PCDH15: variants seen among roughly 807,000 people sequenced by gnomAD.
PCDH15 encodes protocadherin related 15, also known as protocadherin-15.
A neutral mutation model predicts 178.5 loss-of-function variants in PCDH15; 129 were observed. That is an observed-to-expected ratio of 0.72 (90% CI 0.63 to 0.84). The LOEUF (loss-of-function observed/expected upper bound fraction) is 0.84. PCDH15 is among the 40% of genes least tolerant of loss of function. PCDH15 has a pLI of 0.00. For synonymous variants in PCDH15, 800 were observed against 732.0 expected (o/e 1.09, Z -1.50); for missense variants, 2,230 against 2,099.9 (o/e 1.06, Z -1.21).
At chr10:55,341,806 T>TATATATA (rs1490048549) in intron 2 of PCDH15, among the ~76,000 whole-genome samples, 1 of 6,998 alleles carries the variant, frequency 1.4e-4, no homozygotes, top group Non-Finnish European at 2.8e-4. Context: ...TATATATATA[T>TATATATA]TTTTTTTTTT....
intron 2 of PCDH15, chr10:55,599,976 T>C (rs928089221): frequency 6.7e-7 from 1 of 1,482,936 alleles, no homozygotes. Context: ...CGGGTATAAA[T>C]AAATAGGAGA....
chr10:55,438,842 G>A (rs984464372), intron 2 of PCDH15, among the ~76,000 whole-genome samples: 19 of 151,340 alleles, frequency 1.3e-4, no homozygotes, highest in South Asian at 6.3e-4. Context: ...GTAATTCAAG[G>A]TTTCAGAACT....
At chr10:55,494,036 A>G (rs1221649956) in intron 2 of PCDH15, among the ~76,000 whole-genome samples, 1 of 151,870 alleles carries the variant, frequency 6.6e-6, no homozygotes, top group Non-Finnish European at 1.5e-5. Flanking sequence ...GGTCTAACAC[A>G]TAGTCTGTTC....
At chr10:54,977,293 C>T (rs1278193196) in intron 2 of PCDH15, among the ~76,000 whole-genome samples, 5 of 152,074 alleles carry the variant, frequency 3.3e-5, no homozygotes, top group African/African-American at 1.2e-4. Context: ...TCATAAGACA[C>T]AGGTCATAAG....
intron 1 of PCDH15, among the ~76,000 whole-genome samples, chr10:54,666,347 G>C (rs1424366935): frequency 6.6e-6 from 1 of 152,010 alleles, no homozygotes; most frequent in Admixed American, 6.6e-5. Flanking sequence ...AAACTGGTGA[G>C]TGTCTGAAGA....
At chr10:54,223,940 C>G (rs191790269) in intron 9 of PCDH15, among the ~76,000 whole-genome samples, 2 of 152,208 alleles carry the variant, frequency 1.3e-5, no homozygotes, top group Admixed American at 1.3e-4. Context: ...ATTTTTTACC[C>G]AAAGAGGCCC....
At chr10:55,168,530 A>G (rs1839253156) in intron 1 of PCDH15, among the ~76,000 whole-genome samples, 1 of 152,184 alleles carries the variant, frequency 6.6e-6, no homozygotes, top group Non-Finnish European at 1.5e-5. Flanking sequence ...GGGGTTCTGT[A>G]CATTTGTGAA....
intron 1 of PCDH15, among the ~76,000 whole-genome samples, chr10:54,717,468 C>T (rs1426805058): frequency 6.9e-6 from 1 of 145,960 alleles, no homozygotes; most frequent in African/African-American, 2.6e-5. Context: ...ACAGACACTT[C>T]CCAAAAGAAG....
chr10:55,598,931 G>A (rs1452920955), intron 2 of PCDH15, among the ~76,000 whole-genome samples: 11 of 151,914 alleles, frequency 7.2e-5, no homozygotes, highest in Admixed American at 5.2e-4. Flanking sequence ...CAACCTGATC[G>A]CTTTGAGCCA....
At chr10:54,399,328 C>T (rs1951645871) in intron 3 of PCDH15, among the ~76,000 whole-genome samples, 1 of 151,610 alleles carries the variant, frequency 6.6e-6, no homozygotes, top group Admixed American at 6.6e-5. Context: ...AGATGGGAGG[C>T]TCAGGTAGCT....
At chr10:54,742,990 A>C (rs1016957658) in intron 1 of PCDH15, among the ~76,000 whole-genome samples, 1 of 152,002 alleles carries the variant, frequency 6.6e-6, no homozygotes, top group Non-Finnish European at 1.5e-5. Flanking sequence ...TCTTTATCTA[A>C]CCGTTTGAAA....
At chr10:54,972,627 A>T (rs1335326509) in intron 2 of PCDH15, among the ~76,000 whole-genome samples, 1 of 152,026 alleles carries the variant, frequency 6.6e-6, no homozygotes, top group African/African-American at 2.4e-5. Flanking sequence ...AGGCAGGCAT[A>T]TCACGAGGTC....
intron 2 of PCDH15, among the ~76,000 whole-genome samples, chr10:55,005,237 C>T (rs1839899861): frequency 2.5e-5 from 1 of 40,032 alleles, no homozygotes; most frequent in Admixed American, 2.7e-4. Flanking sequence ...ATCAATGGAG[C>T]CTCTTGGTAG....
chr10:55,576,236 T>C (rs1411122962), intron 2 of PCDH15, among the ~76,000 whole-genome samples: 1 of 152,194 alleles, frequency 6.6e-6, no homozygotes, highest in Non-Finnish European at 1.5e-5. Context: ...ATATATACCA[T>C]ATTATTAAAG....
At chr10:55,427,550 C>G (rs1291469477) in intron 2 of PCDH15, among the ~76,000 whole-genome samples, 9 of 152,092 alleles carry the variant, frequency 5.9e-5, no homozygotes, top group Admixed American at 5.9e-4. Context: ...ATATAAAATA[C>G]CTACAAAGTT....
At chr10:54,938,823 G>A (rs1197549842) in intron 2 of PCDH15, among the ~76,000 whole-genome samples, 2 of 152,154 alleles carry the variant, frequency 1.3e-5, no homozygotes, top group African/African-American at 4.8e-5. Flanking sequence ...TCTGATCTTA[G>A]AGAGATGTCA....
intron 2 of PCDH15, among the ~76,000 whole-genome samples, chr10:55,589,959 C>T (rs1170235316): frequency 1.4e-4 from 20 of 145,756 alleles, no homozygotes; most frequent in African/African-American, 3.5e-4. Flanking sequence ...CATCCCATTA[C>T]GGGGTATATA....
At chr10:55,572,455 A>C (rs1027488018) in intron 2 of PCDH15, among the ~76,000 whole-genome samples, 1 of 151,192 alleles carries the variant, frequency 6.6e-6, no homozygotes, top group African/African-American at 2.4e-5. Flanking sequence ...TTTAAATATT[A>C]ATTATTAAAA....
chr10:54,021,211 T>A (rs1337121613), intron 19 of PCDH15, among the ~76,000 whole-genome samples: 1 of 152,026 alleles, frequency 6.6e-6, no homozygotes, highest in East Asian at 1.9e-4. Context: ...AGAATGGCTA[T>A]TTCACTCAGC....
Sources: gnomAD v4.1 joint callset for allele counts (sites outside exome capture counted in the v4.1 genomes callset) on GRCh38, gnomAD v4.1.1 for gene constraint, MANE v1.5 for transcripts, NCBI Gene and HGNC (gene_info 2026-07-23, HGNC 2026-07-21) for gene names.